Variants in SPOPL observed in about 807,000 individuals in gnomAD.
The protein encoded by SPOPL is speckle type BTB/POZ protein like.
In SPOPL, 23 loss-of-function variants were observed where a neutral mutation model predicts 53.8. The observed-to-expected ratio is 0.43, with a 90% CI of 0.31 to 0.61. The LOEUF is 0.61. Among genes scored for constraint, SPOPL ranks in the 20% least tolerant of loss-of-function variants. The probability of loss-of-function intolerance (pLI) is 0.12; values close to 1 mark genes in which losing one functional copy is unlikely to be tolerated. For synonymous variants in SPOPL, 164 were observed against 149.7 expected (o/e 1.10, Z -0.70); for missense variants, 442 against 466.9 (o/e 0.95, Z 0.49).
chr2:138,540,109 C>G (rs143974550), intron 1 of SPOPL, among the ~76,000 whole-genome samples: 452 of 152,308 alleles, frequency 3.0e-3, no homozygotes, highest in Middle Eastern at 0.01. Flanking sequence ...GTCTATATCT[C>G]TGTTTTGTTA....
chr2:138,564,063 A>G (rs1435860412), intron 8 of SPOPL, among the ~76,000 whole-genome samples: 21 of 152,252 alleles, frequency 1.4e-4, no homozygotes, highest in Admixed American at 1.3e-3. Flanking sequence ...AGACTAATCT[A>G]TAGTGATAGA....
chr2:138,560,643 A>G (rs765416201), intron 7 of SPOPL, among the ~76,000 whole-genome samples, 162 bp from the exon 8 acceptor site: 1 of 151,990 alleles, frequency 6.6e-6, no homozygotes, highest in African/African-American at 2.4e-5. Flanking sequence ...TACCTACCTC[A>G]ATTTTAAAGT....
intron 1 of SPOPL, among the ~76,000 whole-genome samples, chr2:138,528,472 T>C (rs962334666): frequency 1.3e-5 from 2 of 152,248 alleles, no homozygotes; most frequent in African/African-American, 4.8e-5. Context: ...TCTTATTTTC[T>C]AACGTTGTTA....
chr2:138,531,822 G>C (rs528764545), intron 1 of SPOPL, among the ~76,000 whole-genome samples: 1 of 151,704 alleles, frequency 6.6e-6, no homozygotes, highest in Non-Finnish European at 1.5e-5. Flanking sequence ...ATTCATAAGC[G>C]TCTGTTTTTT....
chr2:138,535,358 A>T (rs545026729), intron 1 of SPOPL, among the ~76,000 whole-genome samples: 2 of 152,292 alleles, frequency 1.3e-5, no homozygotes, highest in African/African-American at 4.8e-5. Flanking sequence ...TTTTGGATAT[A>T]TACCTAGGAG....
chr2:138,557,527 T>C (rs769217254), intron 5 of SPOPL, among the ~76,000 whole-genome samples: 14 of 152,202 alleles, frequency 9.2e-5, no homozygotes, highest in Non-Finnish European at 1.8e-4. Context: ...AGCATATTGG[T>C]AGTTTAGCAA....
intron 1 of SPOPL, among the ~76,000 whole-genome samples, chr2:138,528,351 A>G (rs1045659756): frequency 4.3e-4 from 66 of 152,238 alleles, no homozygotes; most frequent in African/African-American, 1.6e-3. Context: ...AAACATGGAT[A>G]CTTACAGTAC....
chr2:138,542,440 T>G (rs1354911493), intron 1 of SPOPL, among the ~76,000 whole-genome samples: 11 of 152,208 alleles, frequency 7.2e-5, no homozygotes, highest in African/African-American at 2.2e-4. Context: ...GCATATATAT[T>G]TAGGATAGTT....
intron 1 of SPOPL, among the ~76,000 whole-genome samples, chr2:138,546,477 A>C (rs1685197365): frequency 6.6e-6 from 1 of 152,212 alleles, no homozygotes; most frequent in South Asian, 2.1e-4. Flanking sequence ...GAAGAAAAAA[A>C]TAGAATCCTG....
At chr2:138,532,689 G>A (rs543895908) in intron 1 of SPOPL, among the ~76,000 whole-genome samples, 23 of 145,136 alleles carry the variant, frequency 1.6e-4, no homozygotes, top group African/African-American at 5.9e-4. Flanking sequence ...TGATCTGCCC[G>A]CCTCGGCCTC....
At chr2:138,562,329 A>G (rs1313100175) in intron 8 of SPOPL, among the ~76,000 whole-genome samples, 1 of 152,218 alleles carries the variant, frequency 6.6e-6, no homozygotes, top group African/African-American at 2.4e-5. Flanking sequence ...TGGGCAAATA[A>G]TGGAACAGAA....
At chr2:138,533,376 T>TA (rs1369669956) in intron 1 of SPOPL, among the ~76,000 whole-genome samples, 1 of 152,198 alleles carries the variant, frequency 6.6e-6, no homozygotes, top group Non-Finnish European at 1.5e-5. Context: ...TTATCACTGT[T>TA]ACAGTACTCT....
chr2:138,540,802 G>A (rs1573891836), intron 1 of SPOPL, among the ~76,000 whole-genome samples: 1 of 152,272 alleles, frequency 6.6e-6, no homozygotes, highest in African/African-American at 2.4e-5. Flanking sequence ...GGTGAGGGAG[G>A]CCATCCCTGT....
At chr2:138,510,581 T>C (rs945623830) in intron 1 of SPOPL, among the ~76,000 whole-genome samples, 1 of 152,220 alleles carries the variant, frequency 6.6e-6, no homozygotes, top group African/African-American at 2.4e-5. Context: ...TTGCCTTACA[T>C]ATTTTGATGC....
intron 1 of SPOPL, among the ~76,000 whole-genome samples, chr2:138,515,689 A>G (rs148645585): frequency 0.011 from 1,652 of 152,282 alleles, 33 homozygotes; most frequent in African/African-American, 0.037. Flanking sequence ...TCATATGTAG[A>G]GAAGTGTCAT....
intron 8 of SPOPL, among the ~76,000 whole-genome samples, chr2:138,563,637 C>CA (rs1441158227): frequency 6.6e-6 from 1 of 152,148 alleles, no homozygotes; most frequent in East Asian, 1.9e-4. Context: ...ATGTTAAAGA[C>CA]ACGGAAAAAT....
intron 1 of SPOPL, among the ~76,000 whole-genome samples, chr2:138,546,404 C>T (rs1225329461): frequency 9.2e-5 from 14 of 152,078 alleles, no homozygotes; most frequent in Admixed American, 9.2e-4. Context: ...ATAGGAAGGC[C>T]TGAATGTTAG....
In SPOPL at chr2:138,573,458, C is replaced by G; in HGVS notation, c.*4378C>G. On this transcript the variant is annotated 3_prime_UTR_variant, in exon 11 of 11. Transcript: ENST00000280098. ...TGTATGAACCATCAATACTGGATGA[C>G]TTATTCTAATGCTACGTACCATTAA... 6.6e-6 allele frequency: 1 copy of G among 152,134 alleles called. No homozygotes were observed. The highest frequency in any genetic ancestry group is 1.9e-4 in the East Asian group (1 of 5,202). The allele number at this position is 152,134 out of a possible 1,614,324, so 9.4% of individuals were successfully genotyped here.
intron 1 of SPOPL, among the ~76,000 whole-genome samples, chr2:138,513,616 TGTAG>T (rs1368132253): frequency 6.6e-6 from 1 of 151,846 alleles, no homozygotes; most frequent in Non-Finnish European, 1.5e-5. Context: ...GGTGCACGCC[TGTAG>T]TCCCAGCTAC....
Sources: allele counts gnomAD v4.1 joint callset (sites outside exome capture counted in the v4.1 genomes callset), GRCh38; gene constraint gnomAD v4.1.1; transcripts MANE v1.5; gene names NCBI Gene and HGNC (gene_info 2026-07-23, HGNC 2026-07-21).